Variants in PDZRN4 observed in about 807,000 individuals in gnomAD.
PDZRN4 encodes PDZ domain-containing RING finger protein 4.
Under a neutral mutation model 99.0 loss-of-function variants are expected in PDZRN4, and 70 were observed. The ratio of observed to expected loss-of-function variants is 0.71; its 90% confidence interval spans 0.58 to 0.86. PDZRN4 has a LOEUF of 0.86. Ranked by LOEUF, PDZRN4 falls within the 40% of genes least tolerant of loss-of-function variation. The pLI is 0.00. For missense variants in PDZRN4, 1,474 were observed against 1,331.2 expected (o/e 1.11, Z -1.67); for synonymous variants, 551 against 501.6 (o/e 1.10, Z -1.32).
chr12:41,573,105 A>G lies in PDZRN4; in HGVS notation c.2326A>G (p.Met776Val), dbSNP rs1443156825. 5.0e-6 allele frequency: 8 copies of G among 1,614,002 alleles called. No homozygotes were observed. In the African/African-American group the frequency reaches 8.0e-5, roughly 16 times the overall value. Residue 776 changes from methionine (M) to valine (V), a missense_variant, in exon 10 of 10, where the codon ATG becomes GTG. By Grantham distance (21) the Met-to-Val change is conservative. Coordinates refer to ENST00000402685, the MANE Select transcript of PDZRN4 (RefSeq NM_001164595.2). Reference sequence around the variant, plus strand: ...CAATAAGAAAAACCTGAGAAGCACAATGGCAGCCACCCAGTCCTCTTCCGG... The same window carrying G: ...CAATAAGAAAAACCTGAGAAGCACAGTGGCAGCCACCCAGTCCTCTTCCGG... The part of the protein sequence containing the change: ...LTNKKNLRST[M>V]AATQSSSGQS...
intron 3 of PDZRN4, among the ~76,000 whole-genome samples, chr12:41,232,260 C>T (rs1042736918): frequency 6.6e-6 from 1 of 152,004 alleles, no homozygotes; most frequent in African/African-American, 2.4e-5. Flanking sequence ...CATAATAAAG[C>T]AGGTGTAAGG....
intron 3 of PDZRN4, among the ~76,000 whole-genome samples, chr12:41,309,309 T>TC (rs1951590780): frequency 6.6e-6 from 1 of 152,112 alleles, no homozygotes; most frequent in East Asian, 1.9e-4. Flanking sequence ...GGCTGGATAG[T>TC]CTAAAATTGA....
intron 3 of PDZRN4, among the ~76,000 whole-genome samples, chr12:41,486,080 A>G (rs2120613925): frequency 6.6e-6 from 1 of 152,302 alleles, no homozygotes; most frequent in South Asian, 2.1e-4. Context: ...CCTATGTTAT[A>G]GCATAGTTCT....
At chr12:41,363,592 G>T (rs1951977633) in intron 3 of PDZRN4, among the ~76,000 whole-genome samples, 1 of 152,084 alleles carries the variant, frequency 6.6e-6, no homozygotes, top group Non-Finnish European at 1.5e-5. Flanking sequence ...TGCTCAGGAT[G>T]GATCTGTTAA....
At chr12:41,518,701 T>C (rs977999406) in intron 5 of PDZRN4, among the ~76,000 whole-genome samples, 2 of 152,100 alleles carry the variant, frequency 1.3e-5, no homozygotes, top group Non-Finnish European at 2.9e-5. Context: ...TTATATAACC[T>C]TTATTTAAAG....
chr12:41,286,668 G>A lies in PDZRN4; in HGVS notation c.843+92480G>A, dbSNP rs554986816. On this transcript the variant is annotated intron_variant, in intron 3 of 9. Coordinates refer to ENST00000402685, the MANE Select transcript of PDZRN4 (RefSeq NM_001164595.2). ...GTGTAAATGGATGTGTCAACACCAG[G>A]AAGAGTAAATGTTTGGGTGTTCACT... is the stretch of plus-strand genomic sequence containing the variant. Among the ~76,000 whole-genome samples the A allele has an allele frequency of 3.9e-5, 6 of 152,248 alleles. No individual in the cohort carries two copies. The South Asian group carries it at 8.3e-4, about 21-fold the overall frequency.
intron 3 of PDZRN4, among the ~76,000 whole-genome samples, chr12:41,222,777 A>G (rs887786565): frequency 3.9e-5 from 6 of 152,122 alleles, no homozygotes; most frequent in Admixed American, 3.9e-4. Context: ...CACCCGCCTC[A>G]GCCTCCCAAA....
intron 3 of PDZRN4, among the ~76,000 whole-genome samples, chr12:41,434,370 T>C (rs1010674498): frequency 3.0e-4 from 46 of 152,298 alleles, no homozygotes; most frequent in Middle Eastern, 6.8e-3. Context: ...GCACATATTG[T>C]ACACTTATCT....
At chr12:41,526,192 T>C (rs1938565132) in intron 5 of PDZRN4, among the ~76,000 whole-genome samples, 1 of 152,142 alleles carries the variant, frequency 6.6e-6, no homozygotes, top group East Asian at 1.9e-4. Context: ...TATCTAAATG[T>C]GGGGCTACTA....
At chr12:41,395,983 A>G (rs1952243240) in intron 3 of PDZRN4, among the ~76,000 whole-genome samples, 1 of 152,150 alleles carries the variant, frequency 6.6e-6, no homozygotes, top group South Asian at 2.1e-4. Context: ...CCCCACAAAA[A>G]GAGTAAGAAT....
At chr12:41,204,490 C>T (rs112020466) in intron 3 of PDZRN4, among the ~76,000 whole-genome samples, 2,634 of 152,066 alleles carry the variant, frequency 0.017, 55 homozygotes, top group African/African-American at 0.047. Flanking sequence ...TCCATTCTCA[C>T]ACTGCTATAA....
chr12:41,488,829 T>A (rs1400196324), intron 3 of PDZRN4, among the ~76,000 whole-genome samples: 2 of 152,220 alleles, frequency 1.3e-5, no homozygotes, highest in African/African-American at 4.8e-5. Flanking sequence ...TGTGTTATAG[T>A]GTTTTATCTC....
chr12:41,558,482 C>T (rs1177602698), intron 7 of PDZRN4, among the ~76,000 whole-genome samples: 1 of 152,162 alleles, frequency 6.6e-6, no homozygotes, highest in Non-Finnish European at 1.5e-5. Flanking sequence ...GCTAGATACA[C>T]AAATACAGTT....
At chr12:41,410,224 G>T (rs947824762) in intron 3 of PDZRN4, among the ~76,000 whole-genome samples, 2 of 152,066 alleles carry the variant, frequency 1.3e-5, no homozygotes, top group Non-Finnish European at 2.9e-5. Context: ...TTCATGTTCT[G>T]TTTGGCATGG....
At chr12:41,499,667 A>G (rs1938075980) in intron 3 of PDZRN4, among the ~76,000 whole-genome samples, 1 of 152,000 alleles carries the variant, frequency 6.6e-6, no homozygotes, top group African/African-American at 2.4e-5. Context: ...CTATAACCAA[A>G]ATTATTCATT....
chr12:41,203,468 T>G (rs1043654411), intron 3 of PDZRN4, among the ~76,000 whole-genome samples: 3 of 152,080 alleles, frequency 2.0e-5, no homozygotes, highest in Non-Finnish European at 4.4e-5. Flanking sequence ...AGGACTTGTG[T>G]GTCTTGCTTG....
intron 3 of PDZRN4, among the ~76,000 whole-genome samples, chr12:41,370,408 G>A (rs905009655): frequency 1.6e-4 from 25 of 151,964 alleles, no homozygotes; most frequent in African/African-American, 4.6e-4. Flanking sequence ...ATATTTATCC[G>A]TTGTTTCTTA....
intron 3 of PDZRN4, among the ~76,000 whole-genome samples, chr12:41,315,306 C>G (rs1184233441): frequency 6.6e-6 from 1 of 152,104 alleles, no homozygotes; most frequent in African/African-American, 2.4e-5. Flanking sequence ...ATTATTTCTA[C>G]TGTCATGATC....
chr12:41,425,126 C>T (rs1026998187), intron 3 of PDZRN4, among the ~76,000 whole-genome samples: 1 of 151,980 alleles, frequency 6.6e-6, no homozygotes. Context: ...AAAAATAAAA[C>T]GATCAATTTT....
Sources: gnomAD v4.1 joint callset for allele counts (sites outside exome capture counted in the v4.1 genomes callset) on GRCh38, gnomAD v4.1.1 for gene constraint, MANE v1.5 for transcripts, NCBI Gene and HGNC (gene_info 2026-07-23, HGNC 2026-07-21) for gene names.